Variants in EPHA3 observed in about 807,000 individuals in gnomAD.
EPHA3 encodes EPH receptor A3, also known as ephrin type-A receptor 3.
A neutral mutation model predicts 107.1 loss-of-function variants in EPHA3; 42 were observed. The ratio of observed to expected loss-of-function variants is 0.39; its 90% CI spans 0.31 to 0.51. The LOEUF is 0.51. Ranked by LOEUF, EPHA3 falls within the 20% of genes least tolerant of loss-of-function variation. The pLI is 0.78. For synonymous variants in EPHA3, 461 were observed against 424.8 expected, an observed-to-expected ratio of 1.09 and a Z score of -1.05; for missense variants, 1,183 against 1,211.2, an observed-to-expected ratio of 0.98 and a Z score of 0.35.
chr3:89,334,476 A>G (rs1317966723), intron 3 of EPHA3, among the ~76,000 whole-genome samples: 1 of 152,242 alleles, frequency 6.6e-6, no homozygotes, highest in Non-Finnish European at 1.5e-5. Flanking sequence ...CATACAGGGT[A>G]TTAACATTTT....
At chr3:89,383,639 CTTTTTTTT>C (rs71621546) in intron 5 of EPHA3, among the ~76,000 whole-genome samples, 215 of 87,952 alleles carry the variant, frequency 2.4e-3, no homozygotes, top group African/African-American at 6.8e-3. Context: ...ACTTCTTCTT[CTTTTTTTT>C]TTTTTTTTTT....
intron 3 of EPHA3, among the ~76,000 whole-genome samples, chr3:89,263,734 G>A (rs948129620): frequency 1.1e-4 from 17 of 152,034 alleles, no homozygotes; most frequent in African/African-American, 3.9e-4. Flanking sequence ...AGTGGGGTGG[G>A]CCATGGGTAG....
chr3:89,394,738 G>A (rs1445012092), intron 5 of EPHA3, among the ~76,000 whole-genome samples: 2 of 152,156 alleles, frequency 1.3e-5, no homozygotes, highest in Non-Finnish European at 2.9e-5. Flanking sequence ...GGTTCTTATG[G>A]TCCTTGATTT....
chr3:89,118,454 A>G (rs1192324977), intron 1 of EPHA3, among the ~76,000 whole-genome samples: 2 of 151,984 alleles, frequency 1.3e-5, no homozygotes, highest in Admixed American at 1.3e-4. Context: ...CTAAAAAGAT[A>G]TAAAATTAGT....
chr3:89,196,675 T>TCATAGTAGTCAAAATTATACATTTTGA (rs1273746253), intron 2 of EPHA3, among the ~76,000 whole-genome samples: 5 of 152,256 alleles, frequency 3.3e-5, no homozygotes, highest in Admixed American at 2.0e-4. Context: ...TTTTCACTAG[T>TCATAGTAGTCAAAATTATACATTTTGA]CATAGTAGTC....
intron 16 of EPHA3, among the ~76,000 whole-genome samples, chr3:89,476,497 C>T (rs977904228): frequency 6.1e-5 from 9 of 146,392 alleles, no homozygotes; most frequent in Admixed American, 5.5e-4. Context: ...CAGGCAATTA[C>T]TGCATTGGAA....
chr3:89,370,007 G>A lies in EPHA3; in HGVS notation c.1307-25830G>A, dbSNP rs1464295951. 3.3e-5 allele frequency among the ~76,000 whole-genome samples: 5 copies of A among 150,090 alleles called. 1 individual carries two copies. Among genetic ancestry groups the A allele is most frequent in the East Asian group, 1.9e-4 (1 of 5,144 alleles). On this transcript the variant is annotated intron_variant, in intron 5 of 16. Coordinates refer to ENST00000336596, the MANE Select transcript of EPHA3 (RefSeq NM_005233.6). ...GCAATCATTAAAAAGTCAGGAAACA[G>A]CAGGTGCTGGAGAGGATGTGGAGAA...
chr3:89,192,884 TC>T (rs1705752461), intron 2 of EPHA3, among the ~76,000 whole-genome samples: 1 of 152,096 alleles, frequency 6.6e-6, no homozygotes, highest in Non-Finnish European at 1.5e-5. Context: ...TTATTTAGCC[TC>T]ATCAGATTAG....
At chr3:89,354,669 T>G (rs1707905312) in intron 5 of EPHA3, among the ~76,000 whole-genome samples, 1 of 151,132 alleles carries the variant, frequency 6.6e-6, no homozygotes, top group African/African-American at 2.4e-5. Flanking sequence ...TATTTTCTGC[T>G]CCTTTTTATT....
chr3:89,412,151 G>C (rs1460433422), intron 9 of EPHA3, among the ~76,000 whole-genome samples: 4 of 151,354 alleles, frequency 2.6e-5, no homozygotes, highest in African/African-American at 9.7e-5. Flanking sequence ...TAAAACTCAG[G>C]GTTTTTGTTT....
intron 9 of EPHA3, among the ~76,000 whole-genome samples, chr3:89,408,738 T>C (rs1709102433): frequency 6.6e-6 from 1 of 152,080 alleles, no homozygotes; most frequent in Non-Finnish European, 1.5e-5. Flanking sequence ...CTTTTTCTGG[T>C]GAAACGAATC....
chr3:89,405,570 A>T (rs1321004652), intron 7 of EPHA3, among the ~76,000 whole-genome samples: 1 of 152,182 alleles, frequency 6.6e-6, no homozygotes, highest in Non-Finnish European at 1.5e-5. Flanking sequence ...GGAAACTCCT[A>T]ACAACCTATC....
intron 16 of EPHA3, among the ~76,000 whole-genome samples, chr3:89,476,189 GTATATA>G (rs150254848): frequency 6.9e-6 from 1 of 145,342 alleles, no homozygotes; most frequent in Non-Finnish European, 1.5e-5. Flanking sequence ...ATATAAACAT[GTATATA>G]TATATAAACA....
At chr3:89,118,445 TAA>T (rs544482918) in intron 1 of EPHA3, among the ~76,000 whole-genome samples, 1 of 151,872 alleles carries the variant, frequency 6.6e-6, no homozygotes, top group African/African-American at 2.4e-5. Context: ...GGAAGAAAAC[TAA>T]AAAGATATAA....
intron 2 of EPHA3, among the ~76,000 whole-genome samples, chr3:89,168,835 A>G (rs1705139739): frequency 6.6e-6 from 1 of 152,144 alleles, no homozygotes; most frequent in Admixed American, 6.5e-5. Context: ...AAAATATGCA[A>G]ATGTATTGAA....
intron 5 of EPHA3, among the ~76,000 whole-genome samples, chr3:89,385,901 G>A (rs1576350265): frequency 1.3e-5 from 2 of 152,164 alleles, no homozygotes; most frequent in African/African-American, 4.8e-5. Context: ...AAACAATGAT[G>A]ACCAGGCTGA....
intron 3 of EPHA3, among the ~76,000 whole-genome samples, chr3:89,340,359 T>C (rs1707490733): frequency 6.6e-6 from 1 of 152,068 alleles, no homozygotes; most frequent in Non-Finnish European, 1.5e-5. Context: ...CCATAGGAAG[T>C]AAGGAAAAGT....
chr3:89,330,551 A>G (rs1387630592), intron 3 of EPHA3, among the ~76,000 whole-genome samples: 1 of 152,128 alleles, frequency 6.6e-6, no homozygotes, highest in Non-Finnish European at 1.5e-5. Flanking sequence ...AGCTGAGTTA[A>G]TTCCTCAGAA....
intron 16 of EPHA3, 64 bp downstream of exon 16, chr3:89,472,683 A>C: frequency 1.1e-6 from 1 of 887,146 alleles, no homozygotes; most frequent in Non-Finnish European, 1.6e-6. Context: ...GCTTGACATG[A>C]AAGATTTGTA....
Sources: allele counts gnomAD v4.1 joint callset (sites outside exome capture counted in the v4.1 genomes callset), GRCh38; gene constraint gnomAD v4.1.1; transcripts MANE v1.5; gene names NCBI Gene and HGNC (gene_info 2026-07-23, HGNC 2026-07-21).